The following ATP5MC2 variants were observed in gnomAD, a reference collection of about 807,000 sequenced individuals.
ATP5MC2 encodes the protein ATP synthase membrane subunit c locus 2, also known as ATP synthase F(0) complex subunit C2, mitochondrial.
ATP5MC2 carries 11 observed loss-of-function variants against 13.5 expected under a neutral mutation model. The ratio of observed to expected loss-of-function variants is 0.81; its 90% CI spans 0.51 to 1.35. The LOEUF (loss-of-function observed/expected upper bound fraction) is 1.35. Among genes scored for constraint, ATP5MC2 ranks in the 40% most tolerant of loss-of-function variants. ATP5MC2 has a pLI of 0.00. For missense variants in ATP5MC2, 132 were observed against 175.0 expected, an observed-to-expected ratio of 0.75 and a Z score of 1.39; for synonymous variants, 64 against 69.7, an observed-to-expected ratio of 0.92 and a Z score of 0.41.
chr12:53,670,923 C>T (rs1385597150), intron 2 of ATP5MC2, among the ~76,000 whole-genome samples: 3 of 151,678 alleles, frequency 2.0e-5, no homozygotes, highest in African/African-American at 7.3e-5. Context: ...ACGCCCAGCC[C>T]GAAGTATGGT....
intron 1 of ATP5MC2, 60 bp from the exon 2 acceptor site, chr12:53,672,705 GC>G: frequency 6.8e-7 from 1 of 1,475,674 alleles, no homozygotes; most frequent in African/African-American, 1.4e-5. Context: ...ATCCTTATTA[GC>G]AGAAAAGGGG....
At chr12:53,672,138 A>T (rs1449652846) in intron 2 of ATP5MC2, among the ~76,000 whole-genome samples, 2 of 147,570 alleles carry the variant, frequency 1.4e-5, no homozygotes, top group African/African-American at 5.0e-5. Flanking sequence ...GGGGCAGGAG[A>T]GTATCTAGCA....
At chr12:53,673,510 C>G (rs910842212) in intron 1 of ATP5MC2, 2 of 152,152 alleles carry the variant, frequency 1.3e-5, no homozygotes, top group Non-Finnish European at 2.9e-5. Flanking sequence ...CAAGGAGGAA[C>G]TCTGTTATTA....
intron 2 of ATP5MC2, among the ~76,000 whole-genome samples, chr12:53,670,782 C>T (rs1945074330): frequency 6.6e-6 from 1 of 151,856 alleles, no homozygotes; most frequent in South Asian, 2.1e-4. Context: ...GCAACCACGC[C>T]CAGCTAATTT....
chr12:53,679,276 A>C (rs1593063017), upstream of ATP5MC2, among the ~76,000 whole-genome samples: 1 of 140,434 alleles, frequency 7.1e-6, no homozygotes, highest in African/African-American at 2.6e-5. Flanking sequence ...AGAGAGAGAG[A>C]GAGACCAGGG....
intron 4 of ATP5MC2, among the ~76,000 whole-genome samples, chr12:53,666,491 G>T (rs968748730): frequency 6.6e-6 from 1 of 151,500 alleles, no homozygotes; most frequent in Non-Finnish European, 1.5e-5. Context: ...GCAGGAGAAC[G>T]GCGTGAACCC....
chr12:53,669,006 T>C (rs1945013526), intron 4 of ATP5MC2, 142 bp downstream of exon 4: 5 of 1,222,802 alleles, frequency 4.1e-6, no homozygotes, highest in Non-Finnish European at 5.4e-6. Flanking sequence ...AAACAGAGCG[T>C]TACTGTCTCA....
upstream of ATP5MC2, among the ~76,000 whole-genome samples, chr12:53,680,697 A>T (rs1565631627): frequency 7.5e-6 from 1 of 133,576 alleles, no homozygotes; most frequent in Admixed American, 7.8e-5. Flanking sequence ...TTGAAAAAAA[A>T]ATTATGAAAT....
chr12:53,666,630 C>T (rs940356315), intron 4 of ATP5MC2, among the ~76,000 whole-genome samples: 4 of 148,932 alleles, frequency 2.7e-5, no homozygotes, highest in Non-Finnish European at 4.4e-5. Flanking sequence ...GGTAGCGGTG[C>T]GTACCTGTAA....
At chr12:53,678,286 G>C (rs531733089), upstream of ATP5MC2, among the ~76,000 whole-genome samples, 18 of 152,162 alleles carry the variant, frequency 1.2e-4, no homozygotes, top group African/African-American at 4.1e-4. Flanking sequence ...CTTTTAGCAA[G>C]GTACTTGGTA....
At chr12:53,672,492 C>T in intron 2 of ATP5MC2, 84 bp downstream of exon 2, 2 of 1,412,906 alleles carry the variant, frequency 1.4e-6, no homozygotes, top group Non-Finnish European at 2.0e-6. Flanking sequence ...CTCCCCCAGC[C>T]TTGCTGTGAA....
chr12:53,680,816 C>T (rs1306254047), upstream of ATP5MC2, among the ~76,000 whole-genome samples: 1 of 152,086 alleles, frequency 6.6e-6, no homozygotes, highest in East Asian at 1.9e-4. Flanking sequence ...AGGACACAGG[C>T]GTGAACAAAG....
upstream of ATP5MC2, among the ~76,000 whole-genome samples, chr12:53,679,706 G>A (rs1945330933): frequency 1.3e-5 from 2 of 152,198 alleles, no homozygotes; most frequent in African/African-American, 4.8e-5. Context: ...ATTAGTGATT[G>A]TTAATTTCAA....
At chr12:53,680,488 A>C (rs1945335012), upstream of ATP5MC2, among the ~76,000 whole-genome samples, 2 of 152,208 alleles carry the variant, frequency 1.3e-5, no homozygotes, top group Admixed American at 1.3e-4. Context: ...GTATGACTTC[A>C]AGCTAGAATA....
intron 2 of ATP5MC2, among the ~76,000 whole-genome samples, chr12:53,671,310 G>C (rs1220845143): frequency 6.6e-6 from 1 of 152,150 alleles, no homozygotes; most frequent in Non-Finnish European, 1.5e-5. Flanking sequence ...ATCATCTCTT[G>C]GGGTTGATTT....
At chr12:53,672,248 G>A (rs898486986) in intron 2 of ATP5MC2, among the ~76,000 whole-genome samples, 4 of 152,090 alleles carry the variant, frequency 2.6e-5, no homozygotes, top group African/African-American at 9.7e-5. Context: ...TTGAGACAGA[G>A]TCTTGCTCTG....
chr12:53,671,303 A>C (rs1028406552), intron 2 of ATP5MC2, among the ~76,000 whole-genome samples: 1 of 152,232 alleles, frequency 6.6e-6, no homozygotes, highest in Non-Finnish European at 1.5e-5. Context: ...TCAAAATATC[A>C]TCTCTTGGGG....
At chr12:53,677,948 A>C (rs540373221), upstream of ATP5MC2, among the ~76,000 whole-genome samples, 25 of 152,350 alleles carry the variant, frequency 1.6e-4, no homozygotes, top group African/African-American at 5.8e-4. Context: ...CACAGTTCTT[A>C]GGAGCCACCA....
chr12:53,673,639 T>G (rs1265116260), intron 1 of ATP5MC2: 1 of 154,336 alleles, frequency 6.5e-6, no homozygotes, highest in Admixed American at 6.5e-5. Context: ...CTGACCAACA[T>G]GGAGAAACCC....
Sources: allele counts gnomAD v4.1 joint callset (sites outside exome capture counted in the v4.1 genomes callset), GRCh38; gene constraint gnomAD v4.1.1; transcripts MANE v1.5; gene names NCBI Gene and HGNC (gene_info 2026-07-23, HGNC 2026-07-21).